GSC2: variants seen among roughly 807,000 people sequenced by gnomAD.
The protein encoded by GSC2 is homeobox protein goosecoid-2.
GSC2 carries 12 observed loss-of-function variants against 11.3 expected under a neutral mutation model. The ratio of observed to expected loss-of-function variants is 1.06; its 90% CI spans 0.68 to 1.72. GSC2 has a LOEUF of 1.72. GSC2 is among the 40% of genes most tolerant of loss of function. The pLI is 0.00. For synonymous variants in GSC2, 148 were observed against 110.0 expected, an observed-to-expected ratio of 1.35 and a Z score of -2.16; for missense variants, 310 against 235.7, an observed-to-expected ratio of 1.32 and a Z score of -2.06.
At position 19,149,649 on chromosome 22, in the gene GSC2, G is replaced by A. The variant is rs1331916266; in HGVS notation, c.513+14C>T. ...GCCCGCGCGCTCCGGGGAAAGGCTG[G>A]GCGGGGCACTCACCTCCACGCGCTC... is the stretch of plus-strand genomic sequence containing the variant. On this transcript the variant is annotated intron_variant, in intron 2 of 2. Coordinates refer to ENST00000086933, the MANE Select transcript of GSC2 (RefSeq NM_005315.2). The A allele has an allele frequency of 1.3e-6, 2 of 1,524,200 alleles. No individual in the cohort carries two copies. The highest frequency in any genetic ancestry group is 2.7e-5 in the East Asian group (1 of 37,520). 94.4% of individuals were successfully genotyped at this position (1,524,200 alleles called of 1,614,324 possible). A position where few individuals can be genotyped will look rare whatever the true frequency, so the allele number is the denominator to read the frequency against.
Position 19,150,118 on chromosome 22 carries a change from G to A in GSC2, c.166C>T (p.Pro56Ser), listed in dbSNP as rs1331367306. Residue 56 changes from proline (P) to serine (S), a missense_variant, in exon 1 of 3, where the codon CCC (proline) becomes TCC (serine). Pro to Ser is a moderately conservative substitution (Grantham distance 74, BLOSUM62 -1). Coordinates refer to ENST00000086933, the MANE Select transcript of GSC2 (RefSeq NM_005315.2). ...CAGGGCGCAGCCTCGGGCGCCCCGG[G>A]CTCCTCTGGCTTCGCGGGGCTCTGG... The part of the protein sequence containing the change: ...GRQSPAKPEE[P>S]GAPEAAPCAC... 7.1e-6 allele frequency: 7 copies of A among 988,330 alleles called. No individual in the cohort carries two copies. The highest frequency in any genetic ancestry group is 7.0e-5 in the African/African-American group (4 of 56,818). The allele number at this position is 988,330 out of a possible 1,614,324, so 61.2% of individuals were successfully genotyped here.
chr22:19,149,729 C>G lies in GSC2; in HGVS notation c.447G>C (p.Gln149His). ...GCTCGCGCGTACTCACGTCAGGATA[C>G]TGGTTCTGCACGAAAAGCGCCTCGA... Reference protein sequence around the residue: ...QALEALFVQNQYPDVSTRERL... With the variant: ...QALEALFVQNHYPDVSTRERL... The change falls in exon 2 of 3, where the codon CAG becomes CAC. Residue 149 changes from glutamine to histidine, a missense_variant. Physicochemically the swap from Gln to His is conservative, Grantham distance 24. Transcript: ENST00000086933. The G allele has an allele frequency of 6.3e-7, 1 of 1,592,702 alleles. No individual in the cohort carries two copies. The highest frequency in any genetic ancestry group is 8.5e-7 in the Non-Finnish European group (1 of 1,171,618).
Position 19,149,818 on chromosome 22 carries a change from G to A in GSC2, c.358C>T (p.Pro120Ser). Residue 120 changes from proline to serine, a missense_variant, in exon 2 of 3, where the codon CCG becomes TCG. Physicochemically the swap from Pro to Ser is moderately conservative, Grantham distance 74 (BLOSUM62 -1). Transcript: ENST00000086933. ...GSGALPGAVG[P>S]GSQRRTRRHR... ...CGCCTCGTGCGCCGCTGCGAACCCGGGCCGACCGCGCCCGGGAGCGCCCCG... is the reference window on the plus strand; with the variant it reads ...CGCCTCGTGCGCCGCTGCGAACCCGAGCCGACCGCGCCCGGGAGCGCCCCG... 1.3e-6 allele frequency: 2 copies of A among 1,567,764 alleles called. No individual in the cohort carries two copies. Among genetic ancestry groups the A allele is most frequent in the Non-Finnish European group, 1.7e-6 (2 of 1,160,864 alleles).
In GSC2 at chr22:19,148,998, C is replaced by G; in HGVS notation, c.611G>C (p.Ser204Thr). The G allele has an allele frequency of 6.3e-7, 1 of 1,586,056 alleles. No individual in the cohort carries two copies. Among genetic ancestry groups the G allele is most frequent in the Non-Finnish European group, 8.6e-7 (1 of 1,162,786 alleles). Residue 204 changes from serine (S) to threonine (T), a missense_variant, in exon 3 of 3, where the codon AGC becomes ACC. Physicochemically the swap from Ser to Thr is moderately conservative, Grantham distance 58. Transcript: ENST00000086933. ...LPGVKKSPKG[S>T]C ...GGGCAGCTCCTAGAGTCATCAGCAG[C>G]TCCCCTTCGGGGACTTCTTGACGCC...
Position 19,149,646 on chromosome 22 carries a change from C to G in GSC2, c.513+17G>C, listed in dbSNP as rs1384969001. The G allele has an allele frequency of 2.0e-6, 3 of 1,518,950 alleles. No homozygotes were observed. The highest frequency in any genetic ancestry group is 2.6e-6 in the Non-Finnish European group (3 of 1,138,890). 94.1% of individuals were successfully genotyped at this position (1,518,950 alleles called of 1,614,324 possible). A position where few individuals can be genotyped will look rare whatever the true frequency, so the allele number is the denominator to read the frequency against. On this transcript the variant is annotated intron_variant, in intron 2 of 2. Transcript: ENST00000086933. ...GCGGCCCGCGCGCTCCGGGGAAAGG[C>G]TGGGCGGGGCACTCACCTCCACGCG...
In GSC2 at chr22:19,150,031, C is replaced by T. The variant is rs1299124524; in HGVS notation, c.253G>A (p.Gly85Arg). Reference sequence around the variant, plus strand: ...CCGCTCCGCGCCCACTCACCCAGCCCGGCGGCCGCCTCTGGGGGCCCGCAG... The same window carrying T: ...CCGCTCCGCGCCCACTCACCCAGCCTGGCGGCCGCCTCTGGGGGCCCGCAG... ...APCGPPEAAAGLGARLAWPLR... is the reference protein window; with the variant it reads ...APCGPPEAAARLGARLAWPLR... Residue 85 changes from glycine to arginine, a missense_variant, in exon 1 of 3, where the codon GGG (glycine) becomes AGG (arginine). Transcript: ENST00000086933. 1.1e-5 allele frequency: 11 copies of T among 1,021,572 alleles called. No homozygotes were observed. In the East Asian group the frequency reaches 2.8e-4, roughly 26 times the overall value. 63.3% of individuals were successfully genotyped at this position (1,021,572 alleles called of 1,614,324 possible). A position where few individuals can be genotyped will look rare whatever the true frequency, so the allele number is the denominator to read the frequency against.
chr22:19,149,730 T>C lies in GSC2; in HGVS notation c.446A>G (p.Gln149Arg), dbSNP rs1555918061. 2.5e-6 allele frequency: 4 copies of C among 1,592,862 alleles called. No individual in the cohort carries two copies. The highest frequency in any genetic ancestry group is 1.4e-5 in the African/African-American group (1 of 72,484). The change falls in exon 2 of 3, where the codon CAG becomes CGG. Residue 149 changes from glutamine to arginine, a missense_variant. Transcript: ENST00000086933. ...CTCGCGCGTACTCACGTCAGGATAC[T>C]GGTTCTGCACGAAAAGCGCCTCGAG... ...QALEALFVQN[Q>R]YPDVSTRERL...
Position 19,149,700 on chromosome 22 carries a change from A to T in GSC2, c.476T>A (p.Leu159Gln). ...CTCGCGAAGGCGGATGCGGCCGGCC[A>T]GGCGCTCGCGCGTACTCACGTCAGG... ...QYPDVSTRERLAGRIRLREER... is the reference protein window; with the variant it reads ...QYPDVSTRERQAGRIRLREER... The change falls in exon 2 of 3, where the codon CTG becomes CAG. Residue 159 changes from leucine (L) to glutamine (Q), a missense_variant. Transcript: ENST00000086933. 2.5e-6 allele frequency: 4 copies of T among 1,572,280 alleles called. No homozygotes were observed. Among genetic ancestry groups the T allele is most frequent in the Non-Finnish European group, 3.4e-6 (4 of 1,162,682 alleles).
chr22:19,149,773 C>T lies in GSC2; in HGVS notation c.403G>A (p.Glu135Lys), dbSNP rs2083817133. Residue 135 changes from glutamate (E) to lysine (K), a missense_variant, in exon 2 of 3, where the codon GAA (glutamate) becomes AAA (lysine). Coordinates refer to ENST00000086933, the MANE Select transcript of GSC2 (RefSeq NM_005315.2). ...RTRRHRTIFS[E>K]EQLQALEALF... ...GCCTCGAGCGCCTGCAGCTGCTCTT[C>T]GCTGAAGATGGTGCGGTGGCGCCTC... The T allele has an allele frequency of 6.3e-7, 1 of 1,595,598 alleles. No individual in the cohort carries two copies. Among genetic ancestry groups the T allele is most frequent in the Non-Finnish European group, 8.5e-7 (1 of 1,172,948 alleles).
At position 19,150,015 on chromosome 22, in the gene GSC2, G is replaced by A; in HGVS notation, c.259+10C>T. 9.5e-7 allele frequency: 1 copy of A among 1,054,480 alleles called. No individual in the cohort carries two copies. Among genetic ancestry groups the A allele is most frequent in the Non-Finnish European group, 1.1e-6 (1 of 877,188 alleles). 65.3% of individuals were successfully genotyped at this position (1,054,480 alleles called of 1,614,324 possible). A position where few individuals can be genotyped will look rare whatever the true frequency, so the allele number is the denominator to read the frequency against. Reference sequence around the variant, plus strand: ...CGCCGGGCCCCGCGCCCCGCTCCGCGCCCACTCACCCAGCCCGGCGGCCGC... The same window carrying A: ...CGCCGGGCCCCGCGCCCCGCTCCGCACCCACTCACCCAGCCCGGCGGCCGC... On this transcript the variant is annotated intron_variant, in intron 1 of 2. Coordinates refer to ENST00000086933, the MANE Select transcript of GSC2 (RefSeq NM_005315.2).
chr22:19,149,703 C>T lies in GSC2; in HGVS notation c.473G>A (p.Arg158His), dbSNP rs2083816282. The T allele has an allele frequency of 1.9e-6, 3 of 1,573,560 alleles. No individual in the cohort carries two copies. The highest frequency in any genetic ancestry group is 1.2e-5 in the South Asian group (1 of 86,634). The change falls in exon 2 of 3, where the codon CGC (arginine) becomes CAC (histidine). Residue 158 changes from arginine (R) to histidine (H), a missense_variant. Transcript: ENST00000086933. ...NQYPDVSTRE[R>H]LAGRIRLREE... ...GCGAAGGCGGATGCGGCCGGCCAGGCGCTCGCGCGTACTCACGTCAGGATA... is the reference window on the plus strand; with the variant it reads ...GCGAAGGCGGATGCGGCCGGCCAGGTGCTCGCGCGTACTCACGTCAGGATA...
chr22:19,149,974 G>GCCGCGCCCCGGGCTCCGCCGGGCC (rs1446351504), intron 1 of GSC2, 51 bp downstream of exon 1: 44 of 1,176,588 alleles, frequency 3.7e-5, no homozygotes, highest in African/African-American at 1.8e-4. Flanking sequence ...CACCCACTGC[G>GCCGCGCCCCGGGCTCCGCCGGGCC]CCGCGCCCCG....
In GSC2 at chr22:19,148,672, G is replaced by A. The variant is rs1308978272; in HGVS notation, c.*319C>T. On this transcript the variant is annotated 3_prime_UTR_variant, in exon 3 of 3. Coordinates refer to ENST00000086933, the MANE Select transcript of GSC2 (RefSeq NM_005315.2). ...AGACGCTCCACTGCGTAGGATTCTGGGTCCCGTGTTGATACGGGGTGGTTC... is the reference window on the plus strand; with the variant it reads ...AGACGCTCCACTGCGTAGGATTCTGAGTCCCGTGTTGATACGGGGTGGTTC... 14 of 328,510 alleles carry A rather than the reference G, an allele frequency of 4.3e-5. No individual in the cohort carries two copies. Among genetic ancestry groups the A allele is most frequent in the Non-Finnish European group, 7.8e-5 (14 of 178,536 alleles). 20.3% of individuals were successfully genotyped at this position (328,510 alleles called of 1,614,324 possible). A position where few individuals can be genotyped will look rare whatever the true frequency, so the allele number is the denominator to read the frequency against.
chr22:19,149,757 G>T lies in GSC2; in HGVS notation c.419C>A (p.Ala140Glu). The part of the protein sequence containing the change: ...RTIFSEEQLQ[A>E]LEALFVQNQY... ...GTTCTGCACGAAAAGCGCCTCGAGCGCCTGCAGCTGCTCTTCGCTGAAGAT... is the reference window on the plus strand; with the variant it reads ...GTTCTGCACGAAAAGCGCCTCGAGCTCCTGCAGCTGCTCTTCGCTGAAGAT... Residue 140 changes from alanine to glutamate, a missense_variant, in exon 2 of 3, where the codon GCG becomes GAG. By Grantham distance (107) the Ala-to-Glu change is moderately radical (BLOSUM62 -1). Coordinates refer to ENST00000086933, the MANE Select transcript of GSC2 (RefSeq NM_005315.2). 1 of 1,595,450 alleles carries T rather than the reference G, an allele frequency of 6.3e-7. No individual in the cohort carries two copies. Among genetic ancestry groups the T allele is most frequent in the Non-Finnish European group, 8.5e-7 (1 of 1,172,838 alleles).
Position 19,150,264 on chromosome 22 carries a change from C to A in GSC2, c.20G>T (p.Gly7Val). MAAAAG[G>V]AASRRGAGRP... ...CCCGGCACCCCGGCGGCTCGCCGCG[C>A]CCCCAGCCGCTGCCGCCATGCCCGG... The change falls in exon 1 of 3, where the codon GGC becomes GTC. Residue 7 changes from glycine to valine, a missense_variant. Physicochemically the swap from Gly to Val is moderately radical, Grantham distance 109. Transcript: ENST00000086933. 1 of 204,256 alleles carries A rather than the reference C, an allele frequency of 4.9e-6. No homozygotes were observed. The allele number at this position is 204,256 out of a possible 1,614,324, so 12.7% of individuals were successfully genotyped here.
Position 19,150,095 on chromosome 22 carries a change from G to T in GSC2, c.189C>A (p.Pro63=). The change falls in exon 1 of 3, where the codon CCC becomes CCA. Residue 63 remains proline (P), a synonymous_variant. Coordinates refer to ENST00000086933, the MANE Select transcript of GSC2 (RefSeq NM_005315.2). ...PEEPGAPEAA[P]CACCCCCGPR... is the part of the protein sequence containing the mutation. ...GGCCGCAGCAGCAGCAGCAGGCGCAGGGCGCAGCCTCGGGCGCCCCGGGCT... is the reference window on the plus strand; with the variant it reads ...GGCCGCAGCAGCAGCAGCAGGCGCATGGCGCAGCCTCGGGCGCCCCGGGCT... The T allele has an allele frequency of 1.0e-6, 1 of 1,003,470 alleles. No individual in the cohort carries two copies. Among genetic ancestry groups the T allele is most frequent in the Non-Finnish European group, 1.2e-6 (1 of 843,128 alleles). The allele number at this position is 1,003,470 out of a possible 1,614,324, so 62.2% of individuals were successfully genotyped here.
At position 19,148,240 on chromosome 22, in the gene GSC2, C is replaced by T. The variant is rs921489884; in HGVS notation, c.*751G>A. 2.6e-5 allele frequency among the ~76,000 whole-genome samples: 4 copies of T among 152,210 alleles called. No homozygotes were observed. Among genetic ancestry groups the T allele is most frequent in the Non-Finnish European group, 5.9e-5 (4 of 68,038 alleles). ...GCTGGGGAGCACCCTGGTGCAGAGA[C>T]TGAGGATCGCTGAGCTGTGCTCCTC... On this transcript the variant is annotated 3_prime_UTR_variant, in exon 3 of 3. Transcript: ENST00000086933.
In GSC2 at chr22:19,148,228, C is replaced by T. The variant is rs1469191642; in HGVS notation, c.*763G>A. On this transcript the variant is annotated 3_prime_UTR_variant, in exon 3 of 3. Transcript: ENST00000086933. ...GCAGTCCCCTCTGCTGGGGAGCACC[C>T]TGGTGCAGAGACTGAGGATCGCTGA... Among the ~76,000 whole-genome samples, 1 of 152,224 alleles carries T rather than the reference C, an allele frequency of 6.6e-6. No individual in the cohort carries two copies. Among genetic ancestry groups the T allele is most frequent in the Non-Finnish European group, 1.5e-5 (1 of 68,042 alleles).
chr22:19,149,657 A>C lies in GSC2; in HGVS notation c.513+6T>G. 1 of 1,532,590 alleles carries C rather than the reference A, an allele frequency of 6.5e-7. No homozygotes were observed. The highest frequency in any genetic ancestry group is 8.7e-7 in the Non-Finnish European group (1 of 1,144,608). 94.9% of individuals were successfully genotyped at this position (1,532,590 alleles called of 1,614,324 possible). ...GCTCCGGGGAAAGGCTGGGCGGGGCACTCACCTCCACGCGCTCCTCGCGAA... is the reference window on the plus strand; with the variant it reads ...GCTCCGGGGAAAGGCTGGGCGGGGCCCTCACCTCCACGCGCTCCTCGCGAA... On this transcript the variant is annotated splice_donor_region_variant and intron_variant, in intron 2 of 2. Coordinates refer to ENST00000086933, the MANE Select transcript of GSC2 (RefSeq NM_005315.2).
Sources: gnomAD v4.1 joint callset for allele counts (sites outside exome capture counted in the v4.1 genomes callset) on GRCh38, gnomAD v4.1.1 for gene constraint, MANE v1.5 for transcripts, NCBI Gene and HGNC (gene_info 2026-07-23, HGNC 2026-07-21) for gene names.